Variants in ASIC2 observed in about 807,000 individuals in gnomAD.
ASIC2 encodes the protein acid-sensing ion channel 2.
In ASIC2, 25 loss-of-function variants were observed where a neutral mutation model predicts 57.3. That is an observed-to-expected ratio of 0.44 (90% CI 0.32 to 0.61). ASIC2 has a LOEUF of 0.61. ASIC2 is among the 20% of genes least tolerant of loss of function. ASIC2 has a pLI of 0.06. For missense variants in ASIC2, 641 were observed against 738.1 expected (o/e 0.87, Z 1.52); for synonymous variants, 319 against 307.5 (o/e 1.04, Z -0.39).
rs937527502 is a variant in ASIC2, at chr17:33,380,011, T to C, written c.556-267944A>G. 6.6e-5 allele frequency among the ~76,000 whole-genome samples: 10 copies of C among 152,182 alleles called. No individual in the cohort carries two copies. In the East Asian group the frequency reaches 1.5e-3, roughly 24 times the overall value. On this transcript the variant is annotated intron_variant, in intron 1 of 9. Coordinates refer to the ASIC2 transcript ENST00000359872. Reference sequence around the variant, plus strand: ...CTCTAATTCCAGCACTTTGGGAGGCTGAGGTGGGCAGATCACTTGAAGTCA... The same window carrying C: ...CTCTAATTCCAGCACTTTGGGAGGCCGAGGTGGGCAGATCACTTGAAGTCA...
chr17:33,989,587 C>A (rs773448062), intron 1 of ASIC2, among the ~76,000 whole-genome samples: 7 of 152,144 alleles, frequency 4.6e-5, no homozygotes, highest in African/African-American at 1.7e-4. Flanking sequence ...CGGCTAAGAC[C>A]TTTAACAGGT....
At chr17:33,033,151 G>A (rs2091892309) in intron 3 of ASIC2, among the ~76,000 whole-genome samples, 2 of 152,106 alleles carry the variant, frequency 1.3e-5, no homozygotes, top group African/African-American at 2.4e-5. Context: ...GTGTAGCTGG[G>A]GCTGCACACT....
chr17:34,018,262 T>C (rs546380658), intron 1 of ASIC2, among the ~76,000 whole-genome samples: 168 of 152,356 alleles, frequency 1.1e-3, no homozygotes, highest in African/African-American at 3.8e-3. Flanking sequence ...TCAGTATATC[T>C]GTTTACAGCA....
chr17:34,067,225 C>G (rs1331440339), intron 1 of ASIC2, among the ~76,000 whole-genome samples: 1 of 152,178 alleles, frequency 6.6e-6, no homozygotes, highest in Non-Finnish European at 1.5e-5. Context: ...ATTGCTTGCT[C>G]TCTGAAGTCC....
At chr17:33,021,193 A>C (rs768436189) in intron 7 of ASIC2, 26 bp downstream of exon 7, 1 of 1,236,274 alleles carries the variant, frequency 8.1e-7, no homozygotes, top group Non-Finnish European at 1.2e-6. Context: ...GAGATGTGGA[A>C]ATTTGTGCAA....
chr17:33,714,290 G>C (rs546586670), intron 1 of ASIC2, among the ~76,000 whole-genome samples: 27 of 152,272 alleles, frequency 1.8e-4, no homozygotes, highest in African/African-American at 6.3e-4. Flanking sequence ...ATGCAATGAA[G>C]CATGTAAAAG....
chr17:33,671,014 C>T lies in ASIC2; in HGVS notation c.555+484964G>A, dbSNP rs189510416. ...TTTAAGAGATGAAAAGTTTAAGAACCCATGGGACAAAAATTCAGATTCCAT... is the reference window on the plus strand; with the variant it reads ...TTTAAGAGATGAAAAGTTTAAGAACTCATGGGACAAAAATTCAGATTCCAT... On this transcript the variant is annotated intron_variant, in intron 1 of 9. Coordinates refer to the ASIC2 transcript ENST00000359872. 3.0e-3 allele frequency among the ~76,000 whole-genome samples: 450 copies of T among 152,300 alleles called. 1 individual carries two copies. The highest frequency in any genetic ancestry group is 9.9e-3 in the African/African-American group (413 of 41,574).
intron 1 of ASIC2, among the ~76,000 whole-genome samples, chr17:33,769,809 C>T (rs1911041084): frequency 6.6e-6 from 1 of 152,206 alleles, no homozygotes; most frequent in Non-Finnish European, 1.5e-5. Context: ...TCTAGTGAGG[C>T]TCACTTCCTT....
chr17:33,560,352 C>A (rs1916036249), intron 1 of ASIC2, among the ~76,000 whole-genome samples: 2 of 152,136 alleles, frequency 1.3e-5, no homozygotes, highest in Non-Finnish European at 2.9e-5. Context: ...CTTTCCCAGA[C>A]AGTAGAGGAA....
intron 1 of ASIC2, among the ~76,000 whole-genome samples, chr17:33,714,995 T>TTAG (rs1248513777): frequency 6.7e-6 from 1 of 148,658 alleles, no homozygotes. Context: ...TTTATTATTA[T>TTAG]TATTATTATT....
intron 1 of ASIC2, among the ~76,000 whole-genome samples, chr17:33,148,757 CA>C (rs2142026669): frequency 6.6e-6 from 1 of 152,120 alleles, no homozygotes; most frequent in South Asian, 2.1e-4. Flanking sequence ...CATAATAAAA[CA>C]GTTGTATCAA....
chr17:33,685,973 C>T (rs993674951), intron 1 of ASIC2, among the ~76,000 whole-genome samples: 1 of 152,196 alleles, frequency 6.6e-6, no homozygotes, highest in African/African-American at 2.4e-5. Flanking sequence ...CAGGGACTCG[C>T]TCACACTTTG....
chr17:33,312,268 T>C (rs1448388875), intron 1 of ASIC2, among the ~76,000 whole-genome samples: 1 of 152,198 alleles, frequency 6.6e-6, no homozygotes, highest in Non-Finnish European at 1.5e-5. Context: ...TAGCCATTCT[T>C]AAATGGCAGC....
At chr17:33,032,908 A>G (rs963166178) in intron 3 of ASIC2, among the ~76,000 whole-genome samples, 6 of 152,024 alleles carry the variant, frequency 3.9e-5, no homozygotes, top group African/African-American at 1.5e-4. Context: ...CATGCTGAAG[A>G]ATCTCTTTTA....
At chr17:34,033,446 T>C (rs184457567) in intron 1 of ASIC2, among the ~76,000 whole-genome samples, 5 of 151,966 alleles carry the variant, frequency 3.3e-5, no homozygotes, top group African/African-American at 1.2e-4. Context: ...AACACCACAA[T>C]TAAAAGAATT....
At chr17:33,626,267 C>T (rs1801675243) in intron 1 of ASIC2, among the ~76,000 whole-genome samples, 2 of 152,070 alleles carry the variant, frequency 1.3e-5, no homozygotes, top group African/African-American at 2.4e-5. Flanking sequence ...ACTAGAACGT[C>T]GTGCAAAGAT....
intron 1 of ASIC2, among the ~76,000 whole-genome samples, chr17:34,048,885 T>C (rs1215562461): frequency 6.6e-6 from 1 of 152,252 alleles, no homozygotes; most frequent in Admixed American, 6.5e-5. Context: ...GCTCTGCTTC[T>C]CTGTGAAAAT....
At chr17:33,943,951 A>T (rs1292337772) in intron 1 of ASIC2, among the ~76,000 whole-genome samples, 1 of 152,236 alleles carries the variant, frequency 6.6e-6, no homozygotes, top group East Asian at 1.9e-4. Context: ...GTTATTTTTA[A>T]CTATAAAAAT....
In ASIC2 at chr17:33,942,170, C is replaced by T. The variant is rs114611229; in HGVS notation, c.555+213808G>A. ...GAAGGCAGAAAAGGTACCAAAGTTG[C>T]GAGGAGTAACTTAAGCAATGCCTGA... On this transcript the variant is annotated intron_variant, in intron 1 of 9. Transcript: ENST00000359872. 1.7e-3 allele frequency among the ~76,000 whole-genome samples: 264 copies of T among 152,144 alleles called. 5 individuals carry two copies. Among genetic ancestry groups the T allele is most frequent in the African/African-American group, 6.0e-3 (250 of 41,494 alleles).
Sources: gnomAD v4.1 joint callset for allele counts (sites outside exome capture counted in the v4.1 genomes callset) on GRCh38, gnomAD v4.1.1 for gene constraint, MANE v1.5 for transcripts, NCBI Gene and HGNC (gene_info 2026-07-23, HGNC 2026-07-21) for gene names.